PRKG1: variants seen among roughly 807,000 people sequenced by gnomAD.
PRKG1 encodes cGMP-dependent protein kinase 1.
In PRKG1, 35 loss-of-function variants were observed where a neutral mutation model predicts 88.1. That is an observed-to-expected ratio of 0.40 (90% CI 0.30 to 0.53). PRKG1 has a LOEUF of 0.53. Among genes scored for constraint, PRKG1 ranks in the 20% least tolerant of loss-of-function variants. PRKG1 has a pLI of 0.59. For synonymous variants in PRKG1, 303 were observed against 292.5 expected, an observed-to-expected ratio of 1.04 and a Z score of -0.37; for missense variants, 540 against 839.8, an observed-to-expected ratio of 0.64 and a Z score of 4.41.
At chr10:51,298,176 A>T (rs747816353) in intron 2 of PRKG1, among the ~76,000 whole-genome samples, 1 of 152,164 alleles carries the variant, frequency 6.6e-6, no homozygotes, top group Non-Finnish European at 1.5e-5. Context: ...ATGATTAGGG[A>T]TATTAATTAT....
At chr10:51,713,438 C>A (rs530880876) in intron 3 of PRKG1, among the ~76,000 whole-genome samples, 54 of 152,124 alleles carry the variant, frequency 3.5e-4, no homozygotes, top group Non-Finnish European at 7.4e-4. Flanking sequence ...GTGTTGAATT[C>A]TTTTCTAATT....
At chr10:52,150,159 A>AT (rs1564490889) in intron 8 of PRKG1, among the ~76,000 whole-genome samples, 9 of 134,296 alleles carry the variant, frequency 6.7e-5, no homozygotes, top group Non-Finnish European at 1.1e-4. Flanking sequence ...AAATAATAAT[A>AT]ATAATAATAA....
chr10:52,079,193 G>A (rs1277144059), intron 7 of PRKG1, among the ~76,000 whole-genome samples: 1 of 152,114 alleles, frequency 6.6e-6, no homozygotes, highest in Non-Finnish European at 1.5e-5. Flanking sequence ...TTCTTCCACA[G>A]CATTTCTCCC....
chr10:51,454,924 T>G (rs186116019), intron 2 of PRKG1, among the ~76,000 whole-genome samples: 1 of 152,312 alleles, frequency 6.6e-6, no homozygotes, highest in East Asian at 1.9e-4. Context: ...TCAAAACCAG[T>G]CATGCCTTCT....
chr10:51,928,472 C>T lies in PRKG1; in HGVS notation c.762+20902C>T, dbSNP rs56317264. On this transcript the variant is annotated intron_variant, in intron 5 of 17. Transcript: ENST00000373980. ...AACTATGAAATCCTAATTACCATTC[C>T]ATGCTCTAGAAAAGAAGCTATTTGT... Among the ~76,000 whole-genome samples the T allele has an allele frequency of 9.4e-3, 1,424 of 152,242 alleles. 23 individuals are homozygous for T. The highest frequency in any genetic ancestry group is 0.032 in the African/African-American group (1,343 of 41,542).
intron 4 of PRKG1, among the ~76,000 whole-genome samples, chr10:51,811,336 T>G (rs1564656568): frequency 1.3e-5 from 2 of 152,212 alleles, no homozygotes; most frequent in Admixed American, 6.5e-5. Context: ...AAATAAAATT[T>G]CTAAAGCCCT....
At chr10:51,519,058 C>T (rs1841667787) in intron 3 of PRKG1, among the ~76,000 whole-genome samples, 1 of 152,162 alleles carries the variant, frequency 6.6e-6, no homozygotes, top group African/African-American at 2.4e-5. Flanking sequence ...ACCAATCTTC[C>T]ATTATTATTC....
intron 1 of PRKG1, among the ~76,000 whole-genome samples, chr10:51,022,640 A>C (rs950684270): frequency 2.6e-5 from 4 of 152,176 alleles, no homozygotes; most frequent in African/African-American, 9.7e-5. Context: ...AAGTGAACAC[A>C]ATATAGGAAG....
chr10:51,263,913 T>G (rs894434254), intron 2 of PRKG1, among the ~76,000 whole-genome samples: 1 of 152,224 alleles, frequency 6.6e-6, no homozygotes, highest in African/African-American at 2.4e-5. Flanking sequence ...TATTCTCAAA[T>G]ATGGTAATCC....
At position 52,282,334 on chromosome 10, in the gene PRKG1, G is replaced by T; in HGVS notation, c.1709+18G>T. ...ACTGGCAGGTATGGATATTGATAGGGAACTGCTGATAAAAATAGACCAGCA... is the reference window on the plus strand; with the variant it reads ...ACTGGCAGGTATGGATATTGATAGGTAACTGCTGATAAAAATAGACCAGCA... On this transcript the variant is annotated intron_variant, in intron 14 of 17. Coordinates refer to ENST00000373980, the MANE Select transcript of PRKG1 (RefSeq NM_006258.4). 2 of 1,565,778 alleles carry T rather than the reference G, an allele frequency of 1.3e-6. No homozygotes were observed. The highest frequency in any genetic ancestry group is 1.7e-6 in the Non-Finnish European group (2 of 1,152,148).
chr10:51,980,835 T>A (rs1037655874), intron 5 of PRKG1, among the ~76,000 whole-genome samples: 1 of 152,176 alleles, frequency 6.6e-6, no homozygotes, highest in African/African-American at 2.4e-5. Context: ...ATTTGCTTGC[T>A]AGATTTTTCT....
At chr10:51,309,740 T>C (rs891063794) in intron 2 of PRKG1, among the ~76,000 whole-genome samples, 2 of 152,030 alleles carry the variant, frequency 1.3e-5, no homozygotes, top group Non-Finnish European at 2.9e-5. Context: ...ATACCACTAC[T>C]GGGTATCTAC....
At chr10:52,202,711 T>G (rs1490310255) in intron 9 of PRKG1, among the ~76,000 whole-genome samples, 1 of 152,120 alleles carries the variant, frequency 6.6e-6, no homozygotes, top group African/African-American at 2.4e-5. Context: ...TTGGAATATA[T>G]TATGACCTGT....
At chr10:51,833,588 T>C (rs1000420387) in intron 4 of PRKG1, among the ~76,000 whole-genome samples, 1 of 152,222 alleles carries the variant, frequency 6.6e-6, no homozygotes, top group Non-Finnish European at 1.5e-5. Context: ...TAATTGTATA[T>C]GTTTATGTGG....
At chr10:51,689,238 T>TACTA (rs1340142884) in intron 3 of PRKG1, among the ~76,000 whole-genome samples, 1 of 84,040 alleles carries the variant, frequency 1.2e-5, no homozygotes, top group Non-Finnish European at 2.4e-5. Context: ...TAAATCTATC[T>TACTA]ACTATCTATC....
At chr10:51,227,273 C>T (rs985928293) in intron 2 of PRKG1, among the ~76,000 whole-genome samples, 1 of 151,828 alleles carries the variant, frequency 6.6e-6, no homozygotes, top group African/African-American at 2.4e-5. Flanking sequence ...TAATATCTTG[C>T]ACATCAAAAG....
chr10:51,931,785 A>C (rs1209858207), intron 5 of PRKG1, among the ~76,000 whole-genome samples: 1 of 152,202 alleles, frequency 6.6e-6, no homozygotes, highest in Non-Finnish European at 1.5e-5. Context: ...AATGTTTATA[A>C]GAAGGATGTA....
At chr10:52,238,674 G>T (rs1262665622) in intron 9 of PRKG1, among the ~76,000 whole-genome samples, 1 of 147,102 alleles carries the variant, frequency 6.8e-6, no homozygotes, top group Non-Finnish European at 1.5e-5. Flanking sequence ...GGAAACAACA[G>T]GTGCTGGAGA....
At chr10:51,463,754 A>G (rs1309898636) in intron 2 of PRKG1, among the ~76,000 whole-genome samples, 1 of 152,220 alleles carries the variant, frequency 6.6e-6, no homozygotes, top group African/African-American at 2.4e-5. Flanking sequence ...CCAATTTCAC[A>G]TATCAGACCA....
Sources: gnomAD v4.1 joint callset for allele counts (sites outside exome capture counted in the v4.1 genomes callset) on GRCh38, gnomAD v4.1.1 for gene constraint, MANE v1.5 for transcripts, NCBI Gene and HGNC (gene_info 2026-07-23, HGNC 2026-07-21) for gene names.